Variants in MEIKIN observed in about 807,000 individuals in gnomAD.
MEIKIN encodes meiosis-specific kinetochore protein.
intron 5 of MEIKIN, among the ~76,000 whole-genome samples, chr5:131,929,598 C>T (rs1001572773): frequency 6.6e-6 from 1 of 152,056 alleles, no homozygotes; most frequent in African/African-American, 2.4e-5. Flanking sequence ...AACTGTGTGT[C>T]ACTGGGGCTT....
chr5:131,835,597 T>C (rs569327988), intron 11 of MEIKIN, among the ~76,000 whole-genome samples: 53 of 152,106 alleles, frequency 3.5e-4, no homozygotes, highest in African/African-American at 1.2e-3. Context: ...ATATCTGTCT[T>C]TTTTTTTGTT....
chr5:131,901,388 C>T (rs987828397), intron 8 of MEIKIN, among the ~76,000 whole-genome samples: 11 of 152,134 alleles, frequency 7.2e-5, no homozygotes, highest in African/African-American at 1.9e-4. Context: ...AATGTGCACA[C>T]GGACCCCAGT....
intron 4 of MEIKIN, among the ~76,000 whole-genome samples, chr5:131,941,293 G>A (rs917273701): frequency 2.0e-5 from 3 of 147,002 alleles, no homozygotes; most frequent in Admixed American, 2.0e-4. Flanking sequence ...CGAGTAGCTG[G>A]GATTACAGGC....
rs528568790 is a variant in MEIKIN, at chr5:131,845,637, G to C, written c.975+5627C>G. ...CAAAAAAAAAATCTAGAGCTTAAAA[G>C]TACAATAACTGAAAGGAAAAATTCA... On this transcript the variant is annotated intron_variant, in intron 11 of 12. Coordinates refer to ENST00000442687, the MANE Select transcript of MEIKIN (RefSeq NM_001303622.2). 5.3e-5 allele frequency among the ~76,000 whole-genome samples: 8 copies of C among 149,912 alleles called. 1 individual carries two copies. In the South Asian group the frequency reaches 1.3e-3, roughly 24 times the overall value.
intron 10 of MEIKIN, among the ~76,000 whole-genome samples, chr5:131,853,282 C>T (rs1342313578): frequency 6.6e-6 from 1 of 152,094 alleles, no homozygotes; most frequent in African/African-American, 2.4e-5. Flanking sequence ...TTGTGGAGAC[C>T]ATGGACGTTA....
intron 9 of MEIKIN, among the ~76,000 whole-genome samples, chr5:131,876,897 C>CA (rs1373273441): frequency 6.7e-6 from 1 of 148,806 alleles, no homozygotes; most frequent in Non-Finnish European, 1.5e-5. Flanking sequence ...ATCGCAAGGA[C>CA]AAAAAACCAA....
At chr5:131,944,140 T>C (rs558957514) in intron 3 of MEIKIN, among the ~76,000 whole-genome samples, 2 of 149,510 alleles carry the variant, frequency 1.3e-5, no homozygotes, top group Admixed American at 6.6e-5. Flanking sequence ...AACTTGACTA[T>C]GAAGTTTAAT....
chr5:131,817,830 T>G (rs1773130982), intron 12 of MEIKIN, among the ~76,000 whole-genome samples: 1 of 152,184 alleles, frequency 6.6e-6, no homozygotes. Context: ...ACATCTTGGT[T>G]GAATTGAAGC....
chr5:131,882,250 A>T (rs1233630277), intron 8 of MEIKIN, among the ~76,000 whole-genome samples: 1 of 152,186 alleles, frequency 6.6e-6, no homozygotes, highest in African/African-American at 2.4e-5. Flanking sequence ...TCTATTCTCC[A>T]CATAACAGCC....
chr5:131,825,597 C>T (rs1309013386), intron 11 of MEIKIN, among the ~76,000 whole-genome samples: 1 of 152,178 alleles, frequency 6.6e-6, no homozygotes, highest in Non-Finnish European at 1.5e-5. Flanking sequence ...CTCAGCTACT[C>T]AGCCCCCAGA....
At chr5:131,846,852 T>G (rs1487205901) in intron 11 of MEIKIN, among the ~76,000 whole-genome samples, 1 of 148,062 alleles carries the variant, frequency 6.8e-6, no homozygotes, top group Non-Finnish European at 1.5e-5. Context: ...TTAAGGCACA[T>G]GATGTATAAA....
At chr5:131,908,712 GATAA>G (rs1751285336) in intron 8 of MEIKIN, among the ~76,000 whole-genome samples, 1 of 152,114 alleles carries the variant, frequency 6.6e-6, no homozygotes. Flanking sequence ...TAGTAGAACT[GATAA>G]ATAAATTAGC....
intron 4 of MEIKIN, among the ~76,000 whole-genome samples, chr5:131,941,142 C>CTTTTTTTTTTTTTTTTT (rs397999274): frequency 1.5e-4 from 9 of 59,690 alleles, no homozygotes; most frequent in African/African-American, 4.6e-4. Flanking sequence ...AGATCTCTTC[C>CTTTTTTTTTTTTTTTTT]TTTTTTTTTT....
At chr5:131,904,941 C>A (rs1461542344) in intron 8 of MEIKIN, among the ~76,000 whole-genome samples, 1 of 151,964 alleles carries the variant, frequency 6.6e-6, no homozygotes. Flanking sequence ...ACAATGAGAA[C>A]ACATGGACAC....
At chr5:131,919,569 A>G (rs1436354263) in intron 6 of MEIKIN, among the ~76,000 whole-genome samples, 1 of 152,214 alleles carries the variant, frequency 6.6e-6, no homozygotes, top group Admixed American at 6.5e-5. Context: ...GAAGATCTCT[A>G]TGTAAACCAA....
intron 5 of MEIKIN, among the ~76,000 whole-genome samples, chr5:131,932,858 C>T (rs1308518659): frequency 1.3e-5 from 2 of 152,298 alleles, no homozygotes; most frequent in Non-Finnish European, 2.9e-5. Flanking sequence ...TTCTGTGACA[C>T]TATAGTGCAA....
chr5:131,911,674 A>G (rs1278406950), intron 8 of MEIKIN, 141 bp downstream of exon 8: 3 of 378,114 alleles, frequency 7.9e-6, no homozygotes, highest in Non-Finnish European at 1.4e-5. Flanking sequence ...TCTTAAATAC[A>G]ACCAAGCTAA....
At chr5:131,850,448 A>G (rs1750092553) in intron 11 of MEIKIN, among the ~76,000 whole-genome samples, 1 of 152,248 alleles carries the variant, frequency 6.6e-6, no homozygotes, top group African/African-American at 2.4e-5. Context: ...AAGCTACAGT[A>G]ATCAAAGCCA....
intron 9 of MEIKIN, among the ~76,000 whole-genome samples, chr5:131,856,370 C>A (rs1010510111): frequency 6.6e-5 from 10 of 150,740 alleles, no homozygotes; most frequent in African/African-American, 2.5e-4. Context: ...ACCAGCTGTT[C>A]CAGTGCAAGG....
Sources: allele counts gnomAD v4.1 joint callset (sites outside exome capture counted in the v4.1 genomes callset), GRCh38; gene constraint gnomAD v4.1.1; transcripts MANE v1.5; gene names NCBI Gene and HGNC (gene_info 2026-07-23, HGNC 2026-07-21).